Variants in DPP10 observed in about 807,000 individuals in gnomAD.
The protein encoded by DPP10 is dipeptidyl peptidase like 10, also known as inactive dipeptidyl peptidase 10.
Under a neutral mutation model 120.9 loss-of-function variants are expected in DPP10, and 33 were observed. The observed-to-expected ratio is 0.27, with a 90% CI of 0.21 to 0.37. DPP10 has a LOEUF of 0.37. Ranked by LOEUF, DPP10 falls within the 10% of genes least tolerant of loss-of-function variation. The pLI, the probability that DPP10 is intolerant of heterozygous loss-of-function variation, is 1.00. For synonymous variants in DPP10, 337 were observed against 326.1 expected, an observed-to-expected ratio of 1.03 and a Z score of -0.36; for missense variants, 816 against 942.8, an observed-to-expected ratio of 0.87 and a Z score of 1.76.
At chr2:115,429,371 A>G (rs2070766970) in intron 3 of DPP10, among the ~76,000 whole-genome samples, 1 of 152,192 alleles carries the variant, frequency 6.6e-6, no homozygotes, top group East Asian at 1.9e-4. Context: ...TCAACAAGCT[A>G]GCATAAATAA....
intron 1 of DPP10, among the ~76,000 whole-genome samples, chr2:114,508,177 A>G (rs1454333241): frequency 6.6e-6 from 1 of 152,168 alleles, no homozygotes; most frequent in African/African-American, 2.4e-5. Context: ...TATGCAGTCA[A>G]GTAAACGTCC....
intron 8 of DPP10, among the ~76,000 whole-genome samples, chr2:115,734,619 G>A (rs1228906959): frequency 7.7e-6 from 1 of 130,436 alleles, no homozygotes; most frequent in East Asian, 2.2e-4. Flanking sequence ...TCATGCCACT[G>A]CACTCCAGCC....
chr2:115,413,792 C>T (rs1347795434), intron 3 of DPP10, among the ~76,000 whole-genome samples: 1 of 152,190 alleles, frequency 6.6e-6, no homozygotes, highest in South Asian at 2.1e-4. Flanking sequence ...TGTCTCAACT[C>T]AGGGCCAGTT....
chr2:115,324,195 G>T (rs2062217221), intron 2 of DPP10, among the ~76,000 whole-genome samples: 1 of 152,148 alleles, frequency 6.6e-6, no homozygotes, highest in African/African-American at 2.4e-5. Context: ...AGAATCACTT[G>T]AACCCAGGAG....
intron 1 of DPP10, among the ~76,000 whole-genome samples, chr2:114,764,982 G>C (rs1392873060): frequency 6.6e-6 from 1 of 152,114 alleles, no homozygotes; most frequent in Non-Finnish European, 1.5e-5. Flanking sequence ...TCTGTGTACA[G>C]TGTAGCAGTA....
chr2:115,596,971 C>T (rs542283808), intron 5 of DPP10, among the ~76,000 whole-genome samples: 1 of 152,164 alleles, frequency 6.6e-6, no homozygotes, highest in Non-Finnish European at 1.5e-5. Context: ...AGATGACTAG[C>T]TTCAGAGTGG....
intron 1 of DPP10, among the ~76,000 whole-genome samples, chr2:114,446,897 T>C (rs916949383): frequency 2.6e-5 from 4 of 152,204 alleles, no homozygotes; most frequent in African/African-American, 7.2e-5. Flanking sequence ...GTATGTATTG[T>C]TAAATACGTA....
At chr2:114,458,779 CT>C (rs34386453) in intron 1 of DPP10, among the ~76,000 whole-genome samples, 1 of 152,100 alleles carries the variant, frequency 6.6e-6, no homozygotes, top group East Asian at 1.9e-4. Context: ...ATTATTACTA[CT>C]TTTTTTGAGG....
intron 1 of DPP10, among the ~76,000 whole-genome samples, chr2:115,242,403 T>C (rs887955121): frequency 2.6e-5 from 4 of 152,190 alleles, no homozygotes; most frequent in Non-Finnish European, 5.9e-5. Flanking sequence ...TTTTATCCAC[T>C]CATCGATTGA....
intron 1 of DPP10, among the ~76,000 whole-genome samples, chr2:114,619,785 T>C (rs1693956671): frequency 1.3e-5 from 2 of 151,992 alleles, no homozygotes; most frequent in Admixed American, 1.3e-4. Flanking sequence ...TTGCAGTTCT[T>C]CTGCAGGGGG....
intron 5 of DPP10, among the ~76,000 whole-genome samples, chr2:115,635,096 C>A (rs1230667278): frequency 1.3e-5 from 2 of 152,060 alleles, no homozygotes; most frequent in Admixed American, 1.3e-4. Flanking sequence ...ACTGGAGCTG[C>A]AGTGATGGCG....
chr2:115,361,620 T>C (rs10174557), intron 3 of DPP10, among the ~76,000 whole-genome samples: 29,911 of 152,058 alleles, frequency 0.2, 3,281 homozygotes, highest in East Asian at 0.36. Context: ...CAAATGTTTT[T>C]TGGGGTCACA....
chr2:115,212,323 A>G (rs934153026), intron 1 of DPP10, among the ~76,000 whole-genome samples: 2 of 152,274 alleles, frequency 1.3e-5, no homozygotes, highest in African/African-American at 4.8e-5. Context: ...TGCTTTATGG[A>G]AAGAATCAAC....
chr2:114,574,179 ACCCGC>A (rs1251685446), intron 1 of DPP10, among the ~76,000 whole-genome samples: 5 of 152,144 alleles, frequency 3.3e-5, no homozygotes, highest in African/African-American at 1.2e-4. Flanking sequence ...ACTTTATATT[ACCCGC>A]CTCATGTGAC....
intron 1 of DPP10, among the ~76,000 whole-genome samples, chr2:114,546,356 A>G (rs1281630933): frequency 6.6e-6 from 1 of 152,062 alleles, no homozygotes; most frequent in Non-Finnish European, 1.5e-5. Flanking sequence ...ACCAGATCTC[A>G]TGAGAACTCA....
At chr2:115,064,495 T>C in intron 1 of DPP10, 1 of 296,214 alleles carries the variant, frequency 3.4e-6, no homozygotes, top group South Asian at 3.8e-5. Context: ...GGATAATTTA[T>C]CTACACACAT....
chr2:115,202,115 G>C (rs2055777287), intron 1 of DPP10, among the ~76,000 whole-genome samples: 1 of 152,116 alleles, frequency 6.6e-6, no homozygotes, highest in Admixed American at 6.6e-5. Context: ...TTTTTATAGA[G>C]ATGTAGTCTT....
At chr2:114,711,228 C>T (rs10198294) in intron 1 of DPP10, among the ~76,000 whole-genome samples, 443 of 152,270 alleles carry the variant, frequency 2.9e-3, no homozygotes, top group African/African-American at 9.9e-3. Context: ...AGAGGAGGTT[C>T]CTGCCCCCAG....
At chr2:114,530,321 G>A (rs74507191) in intron 1 of DPP10, among the ~76,000 whole-genome samples, 23,082 of 151,952 alleles carry the variant, frequency 0.15, 1,872 homozygotes, top group South Asian at 0.3. Flanking sequence ...TAGTTATTGG[G>A]TAAATAATTA....
Sources: gnomAD v4.1 joint callset for allele counts (sites outside exome capture counted in the v4.1 genomes callset) on GRCh38, gnomAD v4.1.1 for gene constraint, MANE v1.5 for transcripts, NCBI Gene and HGNC (gene_info 2026-07-23, HGNC 2026-07-21) for gene names.